The following BFSP2 variants were observed in gnomAD, a reference collection of about 807,000 sequenced individuals.
The protein encoded by BFSP2 is phakinin.
BFSP2 carries 38 observed loss-of-function variants against 44.9 expected under a neutral mutation model. The observed-to-expected ratio is 0.85, with a 90% CI of 0.65 to 1.11. The LOEUF (loss-of-function observed/expected upper bound fraction) is 1.11. BFSP2 is among the 50% of genes least tolerant of loss of function. The pLI, the probability that BFSP2 is intolerant of heterozygous loss-of-function variation, is 0.00. For synonymous variants in BFSP2, 197 were observed against 209.9 expected (o/e 0.94, Z 0.53); for missense variants, 525 against 533.0 (o/e 0.99, Z 0.15).
chr3:133,472,458 G>C lies in BFSP2; in HGVS notation c.1137G>C (p.Ala379=), dbSNP rs1576601999. Residue 379 remains alanine (A), a synonymous_variant, in exon 6 of 7, where the codon GCG becomes GCC. Coordinates refer to ENST00000302334, the MANE Select transcript of BFSP2 (RefSeq NM_003571.4). ...RLEAELREIR[A]EAEQQQQERA... is the part of the protein sequence containing the mutation. ...AGGCGGAGCTCAGGGAAATCCGAGC[G>C]GAGGCGGAGCAGCAGCAACAGGAGC... The C allele has an allele frequency of 6.2e-7, 1 of 1,614,034 alleles. No homozygotes were observed. Among genetic ancestry groups the C allele is most frequent in the Non-Finnish European group, 8.5e-7 (1 of 1,180,020 alleles).
Position 133,400,106 on chromosome 3 carries a change from T to C in BFSP2, c.23T>C (p.Val8Ala), listed in dbSNP as rs1179778800. 5 of 1,614,132 alleles carry C rather than the reference T, an allele frequency of 3.1e-6. No individual in the cohort carries two copies. The highest frequency in any genetic ancestry group is 1.3e-5 in the African/African-American group (1 of 75,040). The change falls in exon 1 of 7, where the codon GTG becomes GCG. Residue 8 changes from valine to alanine, a missense_variant. Physicochemically the swap from Val to Ala is moderately conservative, Grantham distance 64 (BLOSUM62 0). Transcript: ENST00000302334. The surrounding 1 kb of genome is among the most constrained non-coding windows in gnomAD (Gnocchi z 4.0). The part of the protein sequence containing the change: MSERRVV[V>A]DLPTSASSSM... The stretch of plus-strand genomic sequence containing the variant: ...GTGATGAGTGAGAGGCGAGTGGTAG[T>C]GGACTTGCCCACCAGTGCCAGCTCC...
chr3:133,416,354 G>A (rs531472231), intron 1 of BFSP2, among the ~76,000 whole-genome samples: 3 of 52,088 alleles, frequency 5.8e-5, no homozygotes, highest in African/African-American at 2.5e-4. Context: ...CCCCTGTCCT[G>A]TCCCCTCTAC....
At chr3:133,450,658 T>C (rs1431110805) in intron 4 of BFSP2, among the ~76,000 whole-genome samples, 194 bp downstream of exon 4, 1 of 152,206 alleles carries the variant, frequency 6.6e-6, no homozygotes, top group African/African-American at 2.4e-5. Context: ...ATGTTTAAAA[T>C]GGTAAAAATG....
chr3:133,460,644 C>T (rs1489185152), intron 4 of BFSP2, among the ~76,000 whole-genome samples: 1 of 152,150 alleles, frequency 6.6e-6, no homozygotes, highest in African/African-American at 2.4e-5. Flanking sequence ...AAAGTTATGC[C>T]AGACTTCTGT....
chr3:133,422,221 A>G (rs1206078464), intron 1 of BFSP2, among the ~76,000 whole-genome samples: 4 of 152,084 alleles, frequency 2.6e-5, no homozygotes, highest in African/African-American at 9.7e-5. Flanking sequence ...TAGTAGAAAC[A>G]CAGTAAATGC....
chr3:133,472,408 C>G lies in BFSP2; in HGVS notation c.1087C>G (p.Leu363Val), dbSNP rs1480003952. The G allele has an allele frequency of 3.1e-6, 5 of 1,614,134 alleles. No homozygotes were observed. Among genetic ancestry groups the G allele is most frequent in the Non-Finnish European group, 4.2e-6 (5 of 1,180,004 alleles). Residue 363 changes from leucine to valine, a missense_variant, in exon 6 of 7, where the codon CTG becomes GTG. Physicochemically the swap from Leu to Val is conservative, Grantham distance 32. Transcript: ENST00000302334. ...KHWHDMELQNLGAVVGRLEAE... is the reference protein window; with the variant it reads ...KHWHDMELQNVGAVVGRLEAE... ...CTGGCATGACATGGAGCTCCAGAAC[C>G]TGGGCGCTGTGGTCGGCCGGCTGGA... is the stretch of plus-strand genomic sequence containing the variant.
Position 133,403,365 on chromosome 3 carries a change from C to G in BFSP2, c.489+2793C>G, listed in dbSNP as rs540982004. Among the ~76,000 whole-genome samples, 5 of 152,302 alleles carry G rather than the reference C, an allele frequency of 3.3e-5. No homozygotes were observed. The East Asian group carries it at 5.8e-4, about 18-fold the overall frequency. ...CCACCTGCAGCTGCCTCTTCCCCCC[C>G]TTGTCCACAGAACTCCTCCTGGTCC... On this transcript the variant is annotated intron_variant, in intron 1 of 6. Transcript: ENST00000302334.
In BFSP2 at chr3:133,467,034, A is replaced by G. The variant is rs551438331; in HGVS notation, c.1023+75A>G. On this transcript the variant is annotated intron_variant, in intron 5 of 6. Coordinates refer to ENST00000302334, the MANE Select transcript of BFSP2 (RefSeq NM_003571.4). ...CTACTGTCAAATTCCAGTATTATGG[A>G]TCTTAGTTTCCAGGGGATTCCCATC... 3.7e-5 allele frequency: 58 copies of G among 1,584,514 alleles called. No individual in the cohort carries two copies. In the South Asian group the frequency reaches 4.2e-4, roughly 12 times the overall value.
Position 133,400,572 on chromosome 3 carries a change from G to A in BFSP2, c.489G>A (p.Gln163=), listed in dbSNP as rs753929115. 4 of 1,596,570 alleles carry A rather than the reference G, an allele frequency of 2.5e-6. No homozygotes were observed. In the South Asian group the frequency reaches 4.5e-5, roughly 18 times the overall value. ...CTTCCTGGGCCAGCAGCTGCCAGCA[G>A]GTAAGTGTCCAGGCTGTGCCAAGGG... ...LRASWASSCQ[Q]VGEAVLENAR... Residue 163 remains glutamine (Q), a splice_region_variant and synonymous_variant, in exon 1 of 7, where the codon CAG becomes CAA. Transcript: ENST00000302334. This position sits in a 1 kb window ranked among gnomAD's most constrained non-coding sequence, Gnocchi z 4.0.
intron 1 of BFSP2, among the ~76,000 whole-genome samples, chr3:133,439,204 A>G (rs1421951362): frequency 6.6e-6 from 1 of 152,230 alleles, no homozygotes; most frequent in Non-Finnish European, 1.5e-5. Context: ...TGTTGCTTCT[A>G]TGCGGGGTTT....
At chr3:133,443,359 T>TA (rs1247315145) in intron 1 of BFSP2, among the ~76,000 whole-genome samples, 1 of 151,826 alleles carries the variant, frequency 6.6e-6, no homozygotes, top group Non-Finnish European at 1.5e-5. Flanking sequence ...ATTTAGTGAT[T>TA]AAAAAAAAGA....
chr3:133,442,312 T>C (rs557592533), intron 1 of BFSP2, among the ~76,000 whole-genome samples: 1 of 152,104 alleles, frequency 6.6e-6, no homozygotes, highest in South Asian at 2.1e-4. Context: ...ATAAATTCTG[T>C]TTTTTTGTTT....
At chr3:133,441,558 T>TTCTTAAC (rs1261711108) in intron 1 of BFSP2, among the ~76,000 whole-genome samples, 2 of 152,160 alleles carry the variant, frequency 1.3e-5, no homozygotes, top group African/African-American at 4.8e-5. Context: ...TTTAAGGTGA[T>TTCTTAAC]TCTCAGGTTG....
chr3:133,415,704 CT>C (rs1305568120), intron 1 of BFSP2, among the ~76,000 whole-genome samples: 3 of 140,676 alleles, frequency 2.1e-5, no homozygotes, highest in Admixed American at 6.9e-5. Context: ...CTACTCACCC[CT>C]GTCCTCTCCC....
chr3:133,448,631 A>G lies in BFSP2; in HGVS notation c.715A>G (p.Arg239Gly), dbSNP rs769485449. ...SLKEELGSLSRNYEEDVKLLH... is the reference protein window; with the variant it reads ...SLKEELGSLSGNYEEDVKLLH... The stretch of plus-strand genomic sequence containing the variant: ...GAAAGAAGAACTTGGCTCTCTATCA[A>G]GAAACTATGAAGAGGTAGGAGGGGG... Residue 239 changes from arginine (R) to glycine (G), a missense_variant, in exon 3 of 7, where the codon AGA (arginine) becomes GGA (glycine). Transcript: ENST00000302334. 6.2e-7 allele frequency: 1 copy of G among 1,613,924 alleles called. No individual in the cohort carries two copies. The highest frequency in any genetic ancestry group is 1.1e-5 in the South Asian group (1 of 91,020).
intron 1 of BFSP2, among the ~76,000 whole-genome samples, chr3:133,425,647 C>G (rs1277304637): frequency 6.6e-6 from 1 of 151,862 alleles, no homozygotes; most frequent in Non-Finnish European, 1.5e-5. Flanking sequence ...CCAGGTAGGG[C>G]CAAGCACCTA....
At chr3:133,430,962 A>ACTCTTTTT in intron 1 of BFSP2, among the ~76,000 whole-genome samples, 1 of 152,084 alleles carries the variant, frequency 6.6e-6, no homozygotes, top group Non-Finnish European at 1.5e-5. Context: ...ATTTACTCTT[A>ACTCTTTTT]AAAAGGTGGC....
intron 5 of BFSP2, 94 bp downstream of exon 5, chr3:133,467,053 T>G: frequency 6.5e-7 from 1 of 1,536,270 alleles, no homozygotes; most frequent in Non-Finnish European, 8.9e-7. Flanking sequence ...TCCAGGGGAT[T>G]CCCATCTCAC....
At chr3:133,410,761 G>A (rs2073444749) in intron 1 of BFSP2, 1 of 218,842 alleles carries the variant, frequency 4.6e-6, no homozygotes. Flanking sequence ...CAATCCCATG[G>A]TGACAGCACA....
Sources: gnomAD v4.1 joint callset for allele counts (sites outside exome capture counted in the v4.1 genomes callset) on GRCh38, gnomAD v4.1.1 for gene constraint, Gnocchi (gnomAD v3.1) non-coding constraint, MANE v1.5 for transcripts, NCBI Gene and HGNC (gene_info 2026-07-23, HGNC 2026-07-21) for gene names.